GPATCH3: variants seen among roughly 807,000 people sequenced by gnomAD.
GPATCH3 encodes the protein G-patch domain containing 3, also known as G patch domain-containing protein 3.
GPATCH3 carries 45 observed loss-of-function variants against 53.2 expected under a neutral mutation model. The ratio of observed to expected loss-of-function variants is 0.85; its 90% CI spans 0.67 to 1.08. GPATCH3 has a LOEUF of 1.08. GPATCH3 is among the 50% of genes least tolerant of loss of function. GPATCH3 has a pLI of 0.00. For missense variants in GPATCH3, 680 were observed against 687.2 expected, an observed-to-expected ratio of 0.99 and a Z score of 0.12; for synonymous variants, 280 against 270.6, an observed-to-expected ratio of 1.03 and a Z score of -0.34.
chr1:26,891,295 G>T (rs996251490), intron 6 of GPATCH3, 69 bp from the exon 7 acceptor site: 2 of 1,226,144 alleles, frequency 1.6e-6, no homozygotes. Flanking sequence ...GGGAGAGGAC[G>T]GGGAAGTAGT....
At position 26,897,402 on chromosome 1, in the gene GPATCH3, T is replaced by C; in HGVS notation, c.775A>G (p.Ile259Val). The C allele has an allele frequency of 6.2e-7, 1 of 1,614,208 alleles. No individual in the cohort carries two copies. ...TCTGCCAGGTAGGTTCCTTGGGGTA[T>C]TTCTTCACCCTCTGCTGTATACACA... Reference protein sequence around the residue: ...ELVYTAEGEEIPQGTYLADIP... With the variant: ...ELVYTAEGEEVPQGTYLADIP... Residue 259 changes from isoleucine (I) to valine (V), a missense_variant, in exon 2 of 7, where the codon ATA becomes GTA. Physicochemically the swap from Ile to Val is conservative, Grantham distance 29. Transcript: ENST00000361720.
rs1234848757 is a variant in GPATCH3 at position 26,890,971 on chromosome 1, T to C, written c.*39A>G. ...TGGTAGATGAGGCCAGGGCAGAGGGTTTTCATCATGTAGCTATGAAAGGAA... is the reference window on the plus strand; with the variant it reads ...TGGTAGATGAGGCCAGGGCAGAGGGCTTTCATCATGTAGCTATGAAAGGAA... On this transcript the variant is annotated 3_prime_UTR_variant, in exon 7 of 7. Coordinates refer to ENST00000361720, the MANE Select transcript of GPATCH3 (RefSeq NM_022078.3). 1 of 1,567,000 alleles carries C rather than the reference T, an allele frequency of 6.4e-7. No homozygotes were observed. Among genetic ancestry groups the C allele is most frequent in the African/African-American group, 1.4e-5 (1 of 73,886 alleles).
chr1:26,894,564 G>A (rs532482675), intron 2 of GPATCH3, among the ~76,000 whole-genome samples, 154 bp from the exon 3 acceptor site: 14 of 152,024 alleles, frequency 9.2e-5, no homozygotes, highest in Non-Finnish European at 1.8e-4. Flanking sequence ...TGACCAACAC[G>A]TCTCCAGCCC....
intron 1 of GPATCH3, 32 bp downstream of exon 1, chr1:26,899,960 T>C (rs774882461): frequency 5.6e-6 from 9 of 1,600,308 alleles, no homozygotes; most frequent in Non-Finnish European, 7.7e-6. Flanking sequence ...TCCAGGCCCG[T>C]AGGCCCAGTC....
At position 26,900,279 on chromosome 1, in the gene GPATCH3, C is replaced by A; in HGVS notation, c.164G>T (p.Arg55Leu). 1 of 1,613,964 alleles carries A rather than the reference C, an allele frequency of 6.2e-7. No individual in the cohort carries two copies. The highest frequency in any genetic ancestry group is 8.5e-7 in the Non-Finnish European group (1 of 1,180,018). ...LCFHYRHRPE[R>L]APPQAAPNSA... ...GTTAGGAGCGGCCTGCGGAGGGGCCCGCTCAGGCCGATGCCGGTAGTGGAA... is the reference window on the plus strand; with the variant it reads ...GTTAGGAGCGGCCTGCGGAGGGGCCAGCTCAGGCCGATGCCGGTAGTGGAA... Residue 55 changes from arginine to leucine, a missense_variant, in exon 1 of 7, where the codon CGG (arginine) becomes CTG (leucine). Arg to Leu is a moderately radical substitution (Grantham distance 102). Coordinates refer to ENST00000361720, the MANE Select transcript of GPATCH3 (RefSeq NM_022078.3).
chr1:26,890,854 T>G lies in GPATCH3; in HGVS notation c.*156A>C. ...AGGGGGCTTTTTGTAAAAATGCCCC[T>G]GAGGTATAGAACCGGCAGGCAGGCA... is the stretch of plus-strand genomic sequence containing the variant. On this transcript the variant is annotated 3_prime_UTR_variant, in exon 7 of 7. Transcript: ENST00000361720. The G allele has an allele frequency of 1.2e-6, 1 of 812,306 alleles. No individual in the cohort carries two copies. The highest frequency in any genetic ancestry group is 1.3e-5 in the South Asian group (1 of 74,352). The allele number at this position is 812,306 out of a possible 1,614,324, so 50.3% of individuals were successfully genotyped here.
Position 26,894,344 on chromosome 1 carries a change from G to A in GPATCH3, c.943C>T (p.Arg315Trp), listed in dbSNP as rs765146455. The A allele has an allele frequency of 1.4e-5, 23 of 1,613,926 alleles. No individual in the cohort carries two copies. The highest frequency in any genetic ancestry group is 1.6e-5 in the Non-Finnish European group (19 of 1,180,014). ...ALHEDVTGQE[R>W]TTEQLFEEEI... Reference sequence around the variant, plus strand: ...TCCTCAAAGAGCTGCTCAGTGGTCCGCTCCTGCCCGGTCACGTCCTCATGC... The same window carrying A: ...TCCTCAAAGAGCTGCTCAGTGGTCCACTCCTGCCCGGTCACGTCCTCATGC... Residue 315 changes from arginine (R) to tryptophan (W), a missense_variant, in exon 3 of 7, where the codon CGG becomes TGG. By Grantham distance (101) the Arg-to-Trp change is moderately radical. Coordinates refer to ENST00000361720, the MANE Select transcript of GPATCH3 (RefSeq NM_022078.3).
Position 26,897,738 on chromosome 1 carries a change from G to A in GPATCH3, c.452-13C>T. On this transcript the variant is annotated splice_polypyrimidine_tract_variant and intron_variant, in intron 1 of 6. Transcript: ENST00000361720. ...AAGGAGCCCAGACCTTGGAAAGGAG[G>A]GAGAATAGATCTTGAAACCCAGAAG... 1 of 1,584,520 alleles carries A rather than the reference G, an allele frequency of 6.3e-7. No homozygotes were observed. The highest frequency in any genetic ancestry group is 8.6e-7 in the Non-Finnish European group (1 of 1,166,888).
In GPATCH3 at chr1:26,893,397, T is replaced by G; in HGVS notation, c.1103A>C (p.Tyr368Ser). 1 of 1,613,176 alleles carries G rather than the reference T, an allele frequency of 6.2e-7. No homozygotes were observed. The highest frequency in any genetic ancestry group is 8.5e-7 in the Non-Finnish European group (1 of 1,179,124). The change falls in exon 4 of 7, where the codon TAT (tyrosine) becomes TCT (serine). Residue 368 changes from tyrosine (Y) to serine (S), a missense_variant. Coordinates refer to ENST00000361720, the MANE Select transcript of GPATCH3 (RefSeq NM_022078.3). ...CACTCCTTGCCCAGTACCTCTGTCATAGTACACACTCATGTCCACATCCCA... is the reference window on the plus strand; with the variant it reads ...CACTCCTTGCCCAGTACCTCTGTCAGAGTACACACTCATGTCCACATCCCA... ...DDWDVDMSVY[Y>S]DRDGGDKDAR...
At position 26,900,016 on chromosome 1, in the gene GPATCH3, G is replaced by C; in HGVS notation, c.427C>G (p.Leu143Val). 4 of 1,614,178 alleles carry C rather than the reference G, an allele frequency of 2.5e-6. No homozygotes were observed. Among genetic ancestry groups the C allele is most frequent in the Non-Finnish European group, 3.4e-6 (4 of 1,180,038 alleles). ...CCTGATGCCTCCGTAGGTAGCCGAA[G>C]TCTGCGGATGAGACAGCGACCCGGT... ...WLPGRCLIRR[L>V]RLPTEASGLG... The change falls in exon 1 of 7, where the codon CTT (leucine) becomes GTT (valine). Residue 143 changes from leucine (L) to valine (V), a missense_variant. By Grantham distance (32) the Leu-to-Val change is conservative. Transcript: ENST00000361720.
intron 1 of GPATCH3, 27 bp downstream of exon 1, chr1:26,899,965 C>T: frequency 6.2e-7 from 1 of 1,605,954 alleles, no homozygotes; most frequent in South Asian, 1.1e-5. Context: ...GCCCGTAGGC[C>T]CAGTCTATTA....
intron 2 of GPATCH3, 51 bp from the exon 3 acceptor site, chr1:26,894,461 G>A (rs938565397): frequency 8.9e-6 from 14 of 1,574,592 alleles, no homozygotes; most frequent in Admixed American, 3.4e-5. Flanking sequence ...CTCATGCCCC[G>A]AGGGAGGGAA....
intron 1 of GPATCH3, 144 bp downstream of exon 1, chr1:26,899,848 C>T: frequency 1.4e-6 from 1 of 715,672 alleles, no homozygotes; most frequent in Non-Finnish European, 2.3e-6. Flanking sequence ...TAACTCCCTG[C>T]AAGTTGAGCC....
chr1:26,897,236 G>C, intron 2 of GPATCH3, 65 bp downstream of exon 2: 1 of 1,458,082 alleles, frequency 6.9e-7, no homozygotes, highest in African/African-American at 1.4e-5. Context: ...ATTGAAGAGT[G>C]GTATTATTAA....
chr1:26,890,829 AG>A lies in GPATCH3; in HGVS notation c.*180del, dbSNP rs775720661. ...CTAATATCCAAGGGGAGGGGACGGGAGGGGGCTTTTTGTAAAAATGCCCCTG... is the reference window on the plus strand; with the variant it reads ...CTAATATCCAAGGGGAGGGGACGGGAGGGGCTTTTTGTAAAAATGCCCCTG... On this transcript the variant is annotated 3_prime_UTR_variant, in exon 7 of 7. Coordinates refer to ENST00000361720, the MANE Select transcript of GPATCH3 (RefSeq NM_022078.3). The A allele has an allele frequency of 1.3e-6, 1 of 779,484 alleles. No homozygotes were observed. The allele number at this position is 779,484 out of a possible 1,614,324, so 48.3% of individuals were successfully genotyped here.
At chr1:26,899,263 C>T (rs1267853251) in intron 1 of GPATCH3, among the ~76,000 whole-genome samples, 3 of 152,168 alleles carry the variant, frequency 2.0e-5, no homozygotes, top group Non-Finnish European at 4.4e-5. Context: ...CACATAACTT[C>T]GGCTTCCCTC....
intron 2 of GPATCH3, among the ~76,000 whole-genome samples, chr1:26,896,412 C>G (rs1454481059): frequency 6.6e-6 from 1 of 151,244 alleles, no homozygotes; most frequent in African/African-American, 2.4e-5. Context: ...AAAAAATGGG[C>G]CTGGCGCAGT....
Position 26,892,732 on chromosome 1 carries a change from C to T in GPATCH3, c.1171G>A (p.Asp391Asn), listed in dbSNP as rs1336108062. ...ATCACAGAGCCATCTTCCTGTCCAT[C>T]TCGGAGTCTCTGTTCCAGACGCATT... is the stretch of plus-strand genomic sequence containing the variant. ...VQMRLEQRLR[D>N]GQEDGSVIER... Residue 391 changes from aspartate (D) to asparagine (N), a missense_variant, in exon 5 of 7, where the codon GAT becomes AAT. By Grantham distance (23) the Asp-to-Asn change is conservative. Transcript: ENST00000361720. 1.9e-6 allele frequency: 3 copies of T among 1,614,092 alleles called. No individual in the cohort carries two copies. In the African/African-American group the frequency reaches 4.0e-5, roughly 22 times the overall value.
At chr1:26,894,983 T>G (rs2081944353) in intron 2 of GPATCH3, among the ~76,000 whole-genome samples, 1 of 152,140 alleles carries the variant, frequency 6.6e-6, no homozygotes, top group South Asian at 2.1e-4. Flanking sequence ...GAGTAAAAAG[T>G]TCTTTGTCCA....
Sources: allele counts gnomAD v4.1 joint callset (sites outside exome capture counted in the v4.1 genomes callset), GRCh38; gene constraint gnomAD v4.1.1; transcripts MANE v1.5; gene names NCBI Gene and HGNC (gene_info 2026-07-23, HGNC 2026-07-21).